Variants in GPR149 observed in about 807,000 individuals in gnomAD.
GPR149 encodes the protein probable G protein-coupled receptor 149.
A neutral mutation model predicts 50.2 loss-of-function variants in GPR149; 50 were observed. The ratio of observed to expected loss-of-function variants is 1.00; its 90% confidence interval spans 0.79 to 1.26. GPR149 has a LOEUF of 1.26. Among genes scored for constraint, GPR149 ranks in the 50% most tolerant of loss-of-function variants. The probability of loss-of-function intolerance (pLI) is 0.00; values close to 1 mark genes in which losing one functional copy is unlikely to be tolerated. For missense variants in GPR149, 983 were observed against 895.4 expected (o/e 1.10, Z -1.25); for synonymous variants, 405 against 358.2 (o/e 1.13, Z -1.48).
At chr3:154,404,564 G>A (rs1457870027) in intron 3 of GPR149, among the ~76,000 whole-genome samples, 1 of 152,122 alleles carries the variant, frequency 6.6e-6, no homozygotes, top group Non-Finnish European at 1.5e-5. Context: ...GCCTCTGTGA[G>A]GGGAATAGAT....
At chr3:154,406,738 T>C (rs1029954559) in intron 3 of GPR149, among the ~76,000 whole-genome samples, 1 of 152,222 alleles carries the variant, frequency 6.6e-6, no homozygotes, top group South Asian at 2.1e-4. Flanking sequence ...CCATAAACTA[T>C]ATGAGTGGTT....
At chr3:154,351,559 G>A (rs758519251) in intron 3 of GPR149, among the ~76,000 whole-genome samples, 1 of 152,052 alleles carries the variant, frequency 6.6e-6, no homozygotes, top group Non-Finnish European at 1.5e-5. Flanking sequence ...TTAAAAACTT[G>A]TTTTGTGCAA....
At chr3:154,350,710 A>C (rs548816310) in intron 3 of GPR149, among the ~76,000 whole-genome samples, 1 of 152,324 alleles carries the variant, frequency 6.6e-6, no homozygotes, top group South Asian at 2.1e-4. Context: ...ATGAAAAGGT[A>C]CATGAACCAG....
Position 154,428,960 on chromosome 3 carries a change from G to A in GPR149, c.656C>T (p.Ser219Leu), listed in dbSNP as rs1712397860. ...GGAGTGGAGTCTCGGCGGCTCCTCC[G>A]AACACAGCAATCGGTGAGTGAGTGG... ...SVPLTHRLLC[S>L]EEPPRLHSNY... Residue 219 changes from serine (S) to leucine (L), a missense_variant, in exon 1 of 4, where the codon TCG becomes TTG. Ser to Leu is a moderately radical substitution (Grantham distance 145). Transcript: ENST00000389740. 1.2e-6 allele frequency: 2 copies of A among 1,613,838 alleles called. No homozygotes were observed. The highest frequency in any genetic ancestry group is 1.3e-5 in the African/African-American group (1 of 74,886).
intron 3 of GPR149, among the ~76,000 whole-genome samples, chr3:154,398,581 T>C (rs996949930): frequency 6.6e-6 from 1 of 152,124 alleles, no homozygotes; most frequent in Admixed American, 6.5e-5. Context: ...TTGAGTACAA[T>C]TTAAAAAGAA....
chr3:154,342,846 A>G (rs994615541), intron 3 of GPR149, among the ~76,000 whole-genome samples: 1 of 152,232 alleles, frequency 6.6e-6, no homozygotes, highest in Non-Finnish European at 1.5e-5. Context: ...TTGATTGTGT[A>G]TTTGACTATA....
At chr3:154,372,134 AG>A (rs1040848642) in intron 3 of GPR149, among the ~76,000 whole-genome samples, 2 of 147,628 alleles carry the variant, frequency 1.4e-5, no homozygotes, top group African/African-American at 5.0e-5. Flanking sequence ...TCCTGTCTAG[AG>A]GGGAGACTGA....
At chr3:154,389,124 G>C (rs1715111333) in intron 3 of GPR149, among the ~76,000 whole-genome samples, 1 of 152,122 alleles carries the variant, frequency 6.6e-6, no homozygotes, top group Non-Finnish European at 1.5e-5. Flanking sequence ...CACTATACTA[G>C]GCTCTTGGAG....
At chr3:154,405,212 A>T (rs1299469816) in intron 3 of GPR149, among the ~76,000 whole-genome samples, 1 of 152,196 alleles carries the variant, frequency 6.6e-6, no homozygotes, top group Admixed American at 6.5e-5. Flanking sequence ...TACGGGCATA[A>T]ATCAATACCT....
intron 3 of GPR149, chr3:154,352,269 C>T (rs1483848153): frequency 3.6e-6 from 3 of 834,800 alleles, no homozygotes; most frequent in Non-Finnish European, 5.8e-6. Flanking sequence ...AGATGGACCA[C>T]CTGACTGGCC....
intron 3 of GPR149, among the ~76,000 whole-genome samples, chr3:154,380,193 A>AGG (rs1714887168): frequency 6.6e-6 from 1 of 151,688 alleles, no homozygotes; most frequent in South Asian, 2.1e-4. Flanking sequence ...AGAGAGAGAG[A>AGG]GAGAGAGAGA....
chr3:154,400,779 C>T (rs994217989), intron 3 of GPR149, among the ~76,000 whole-genome samples: 8 of 152,154 alleles, frequency 5.3e-5, no homozygotes, highest in East Asian at 1.9e-4. Flanking sequence ...TATTTGAAGG[C>T]GATTTAAAGC....
rs1157792000 is a variant in GPR149 at position 154,335,509 on chromosome 3, C to G, written c.*2190G>C. The G allele has an allele frequency of 6.6e-6, 1 of 152,064 alleles. No homozygotes were observed. Among genetic ancestry groups the G allele is most frequent in the African/African-American group, 2.4e-5 (1 of 41,424 alleles). The allele number at this position is 152,064 out of a possible 1,614,324, so 9.4% of individuals were successfully genotyped here. On this transcript the variant is annotated 3_prime_UTR_variant, in exon 4 of 4. Transcript: ENST00000389740. Reference sequence around the variant, plus strand: ...TGCTGATTAGCCTTTCAAACTAAGACTTTGGGCTAAATAATACTGGTGTTG... The same window carrying G: ...TGCTGATTAGCCTTTCAAACTAAGAGTTTGGGCTAAATAATACTGGTGTTG...
At chr3:154,418,644 A>G (rs910631108) in intron 3 of GPR149, among the ~76,000 whole-genome samples, 2 of 122,628 alleles carry the variant, frequency 1.6e-5, no homozygotes, top group Admixed American at 1.9e-4. Context: ...GAAGGGGAAC[A>G]TCACACTCTG....
intron 3 of GPR149, chr3:154,354,677 A>C (rs892186465): frequency 1.9e-5 from 6 of 321,102 alleles, no homozygotes; most frequent in Admixed American, 5.2e-5. Flanking sequence ...CTCGGTGCTC[A>C]GCAAAGAGTA....
At chr3:154,412,806 A>G (rs1166118803) in intron 3 of GPR149, among the ~76,000 whole-genome samples, 1 of 152,104 alleles carries the variant, frequency 6.6e-6, no homozygotes, top group Non-Finnish European at 1.5e-5. Flanking sequence ...AAACAATCCT[A>G]AAATTCTTGT....
chr3:154,340,181 T>C (rs1713758602), intron 3 of GPR149, among the ~76,000 whole-genome samples: 1 of 152,194 alleles, frequency 6.6e-6, no homozygotes, highest in Non-Finnish European at 1.5e-5. Flanking sequence ...TTATTCTCTG[T>C]GGAGTGGTCT....
intron 3 of GPR149, among the ~76,000 whole-genome samples, chr3:154,366,402 C>A (rs573413269): frequency 1.3e-5 from 2 of 152,202 alleles, no homozygotes; most frequent in Non-Finnish European, 2.9e-5. Flanking sequence ...TTTAAAATGG[C>A]CCTGCAAAGC....
At chr3:154,402,308 T>C (rs996109028) in intron 3 of GPR149, among the ~76,000 whole-genome samples, 2 of 151,896 alleles carry the variant, frequency 1.3e-5, no homozygotes, top group Non-Finnish European at 2.9e-5. Context: ...ATCTCAATAC[T>C]TACGAGGCTA....
Sources: allele counts gnomAD v4.1 joint callset (sites outside exome capture counted in the v4.1 genomes callset), GRCh38; gene constraint gnomAD v4.1.1; transcripts MANE v1.5; gene names NCBI Gene and HGNC (gene_info 2026-07-23, HGNC 2026-07-21).